The following NCOA2 variants were observed in gnomAD, a reference collection of about 807,000 sequenced individuals.
NCOA2 encodes class E basic helix-loop-helix protein 75.
In NCOA2, 21 loss-of-function variants were observed where a neutral mutation model predicts 145.1. That is an observed-to-expected ratio of 0.14 (90% CI 0.10 to 0.21). The LOEUF (loss-of-function observed/expected upper bound fraction) is 0.21. Ranked by LOEUF, NCOA2 falls within the 10% of genes least tolerant of loss-of-function variation. The probability of loss-of-function intolerance (pLI) is 1.00; values close to 1 mark genes in which losing one functional copy is unlikely to be tolerated. For missense variants in NCOA2, 1,472 were observed against 1,837.6 expected (o/e 0.80, Z 3.64); for synonymous variants, 619 against 637.5 (o/e 0.97, Z 0.44).
intron 11 of NCOA2, among the ~76,000 whole-genome samples, chr8:70,153,925 T>C (rs1812024525): frequency 1.3e-5 from 2 of 152,124 alleles, no homozygotes; most frequent in Admixed American, 1.3e-4. Flanking sequence ...GACATGAAGG[T>C]TTGAAAAATT....
chr8:70,354,868 G>A (rs1440770076), intron 1 of NCOA2, among the ~76,000 whole-genome samples: 3 of 152,172 alleles, frequency 2.0e-5, no homozygotes, highest in African/African-American at 7.2e-5. Context: ...CTGTGAAAAA[G>A]CTGATAGTTT....
rs997149835 is a variant in NCOA2 at position 70,112,194 on chromosome 8, TAAA to T, written c.*1435_*1437del. 2.5e-5 allele frequency: 5 copies of T among 202,970 alleles called. No individual in the cohort carries two copies. Among genetic ancestry groups the T allele is most frequent in the Admixed American group, 2.4e-4 (4 of 16,736 alleles). 12.6% of individuals were successfully genotyped at this position (202,970 alleles called of 1,614,324 possible). ...AAGCAGAATCACAAGGTTTAGAAAA[TAAA>T]AAGTCTTAAGTCTACAAATTAGGTC... On this transcript the variant is annotated 3_prime_UTR_variant, in exon 23 of 23. Coordinates refer to ENST00000452400, the MANE Select transcript of NCOA2 (RefSeq NM_006540.4).
At chr8:70,242,371 A>T (rs1486472052) in intron 2 of NCOA2, among the ~76,000 whole-genome samples, 2 of 152,116 alleles carry the variant, frequency 1.3e-5, no homozygotes, top group Non-Finnish European at 2.9e-5. Flanking sequence ...AATAATGCAA[A>T]TGTATGTTTA....
At chr8:70,168,322 T>C (rs887928610) in intron 6 of NCOA2, among the ~76,000 whole-genome samples, 1 of 152,212 alleles carries the variant, frequency 6.6e-6, no homozygotes, top group South Asian at 2.1e-4. Context: ...GCATTTTATT[T>C]TATTATTATT....
intron 2 of NCOA2, among the ~76,000 whole-genome samples, chr8:70,276,898 A>T (rs1463113034): frequency 1.3e-5 from 2 of 152,206 alleles, no homozygotes; most frequent in Non-Finnish European, 1.5e-5. Context: ...TGATATTTTC[A>T]TTCTTTACTA....
chr8:70,371,665 CTGTTGTTGT>C lies in NCOA2; in HGVS notation c.-77+32026_-77+32034del, dbSNP rs143143280. ...ATCTTATGAACATGAATCTACAGTT[CTGTTGTTGT>C]TGTTGTTGTTTAACCACATAAACAC... On this transcript the variant is annotated intron_variant, in intron 1 of 22. Coordinates refer to ENST00000452400, the MANE Select transcript of NCOA2 (RefSeq NM_006540.4). 3.3e-5 allele frequency among the ~76,000 whole-genome samples: 5 copies of C among 151,984 alleles called. 1 individual carries two copies. The highest frequency in any genetic ancestry group is 3.3e-4 in the Admixed American group (5 of 15,264).
At chr8:70,230,563 T>C (rs1821045573) in intron 2 of NCOA2, among the ~76,000 whole-genome samples, 1 of 152,198 alleles carries the variant, frequency 6.6e-6, no homozygotes, top group African/African-American at 2.4e-5. Context: ...AAATAGATAG[T>C]TTGCAAGTAT....
chr8:70,246,226 A>C (rs1402950057), intron 2 of NCOA2, among the ~76,000 whole-genome samples: 1 of 152,136 alleles, frequency 6.6e-6, no homozygotes, highest in Non-Finnish European at 1.5e-5. Context: ...AAAAGAAAGC[A>C]GCTGATCACA....
At chr8:70,255,135 A>G (rs1289112267) in intron 2 of NCOA2, among the ~76,000 whole-genome samples, 1 of 152,250 alleles carries the variant, frequency 6.6e-6, no homozygotes, top group Admixed American at 6.5e-5. Flanking sequence ...CAACAGACAC[A>G]TGACCATTCC....
At chr8:70,193,088 T>C (rs1015007071) in intron 4 of NCOA2, among the ~76,000 whole-genome samples, 69 of 75,640 alleles carry the variant, frequency 9.1e-4, no homozygotes, top group Non-Finnish European at 1.7e-3. Context: ...AAAAAAAAAA[T>C]GGAGACCCAT....
At chr8:70,322,221 A>C (rs137957786) in intron 1 of NCOA2, among the ~76,000 whole-genome samples, 40 of 152,296 alleles carry the variant, frequency 2.6e-4, no homozygotes, top group Non-Finnish European at 5.6e-4. Flanking sequence ...AGGTACACTA[A>C]TAACTTATAG....
chr8:70,276,392 C>T (rs76814288), intron 2 of NCOA2, among the ~76,000 whole-genome samples: 4,858 of 152,132 alleles, frequency 0.032, 252 homozygotes, highest in African/African-American at 0.11. Flanking sequence ...CAAAATATGG[C>T]AGCAAAAACT....
intron 1 of NCOA2, among the ~76,000 whole-genome samples, chr8:70,320,520 A>C (rs1805958126): frequency 6.6e-6 from 1 of 152,178 alleles, no homozygotes; most frequent in African/African-American, 2.4e-5. Context: ...AAAAGATAGT[A>C]ATTTTTGTCC....
intron 2 of NCOA2, among the ~76,000 whole-genome samples, chr8:70,241,952 G>C (rs1359237801): frequency 1.3e-5 from 2 of 151,636 alleles, no homozygotes; most frequent in African/African-American, 4.8e-5. Context: ...ATGTAAAAAT[G>C]ACATATAAAA....
chr8:70,437,248 C>G, the NCOA2 span, among the ~76,000 whole-genome samples: 1 of 152,204 alleles, frequency 6.6e-6, no homozygotes. Context: ...CTCAGGGAAG[C>G]CTTGGAGATC....
At chr8:70,450,054 C>T in the NCOA2 span, among the ~76,000 whole-genome samples, 2 of 151,940 alleles carry the variant, frequency 1.3e-5, no homozygotes, top group African/African-American at 2.4e-5. Flanking sequence ...GGGGTGATAA[C>T]GTAAGAGGTT....
chr8:70,373,623 G>C (rs755135900), intron 1 of NCOA2, among the ~76,000 whole-genome samples: 1 of 152,036 alleles, frequency 6.6e-6, no homozygotes, highest in Admixed American at 6.5e-5. Context: ...CCTAACCAAA[G>C]TTGATATTAT....
chr8:70,199,988 C>T (rs1406116029), intron 4 of NCOA2, among the ~76,000 whole-genome samples: 2 of 152,168 alleles, frequency 1.3e-5, no homozygotes, highest in African/African-American at 2.4e-5. Flanking sequence ...CTGTACCAAA[C>T]ATGAACAAGC....
In NCOA2 at chr8:70,156,763, G is replaced by T. The variant is rs1343049427; in HGVS notation, c.1602C>A (p.Leu534=). ...GNSHSYTNSS[L]NALQALSEGH... ...CCTCGCTGAGGGCCTGAAGTGCATT[G>T]AGGGAGCTGTTGGTATAACTATGGC... The change falls in exon 11 of 23, where the codon CTC becomes CTA. Residue 534 remains leucine (L), a synonymous_variant. Coordinates refer to ENST00000452400, the MANE Select transcript of NCOA2 (RefSeq NM_006540.4). 6.2e-7 allele frequency: 1 copy of T among 1,613,888 alleles called. No individual in the cohort carries two copies. Among genetic ancestry groups the T allele is most frequent in the Non-Finnish European group, 8.5e-7 (1 of 1,179,894 alleles).
Sources: allele counts gnomAD v4.1 joint callset (sites outside exome capture counted in the v4.1 genomes callset), GRCh38; gene constraint gnomAD v4.1.1; transcripts MANE v1.5; gene names NCBI Gene and HGNC (gene_info 2026-07-23, HGNC 2026-07-21).